The following TRPM3 variants were observed in gnomAD, a reference collection of about 807,000 sequenced individuals.
TRPM3 encodes the protein transient receptor potential cation channel subfamily M member 3, also known as long transient receptor potential channel 3.
In TRPM3, 77 loss-of-function variants were observed where a neutral mutation model predicts 181.2. The ratio of observed to expected loss-of-function variants is 0.42; its 90% CI spans 0.35 to 0.51. TRPM3 has a LOEUF of 0.51. Among genes scored for constraint, TRPM3 ranks in the 20% least tolerant of loss-of-function variants. The probability of loss-of-function intolerance (pLI) is 0.01; values close to 1 mark genes in which losing one functional copy is unlikely to be tolerated. For synonymous variants in TRPM3, 745 were observed against 796.4 expected (o/e 0.94, Z 1.09); for missense variants, 1,759 against 2,196.7 (o/e 0.80, Z 3.98).
intron 1 of TRPM3, among the ~76,000 whole-genome samples, chr9:71,139,484 C>A (rs995839594): frequency 1.3e-5 from 2 of 152,086 alleles, no homozygotes; most frequent in African/African-American, 2.4e-5. Context: ...GTAATTTTCA[C>A]AAAAACAGAG....
chr9:70,917,310 G>T, intron 1 of TRPM3: 2 of 1,300,752 alleles, frequency 1.5e-6, no homozygotes, highest in Non-Finnish European at 2.2e-6. Flanking sequence ...ATTATTAATG[G>T]AGTTTCATGA....
intron 1 of TRPM3, chr9:70,917,515 T>C (rs1055119067): frequency 2.5e-5 from 17 of 685,154 alleles, no homozygotes; most frequent in Non-Finnish European, 4.6e-5. Flanking sequence ...CCACGATAAC[T>C]GGGGCGGGCA....
intron 1 of TRPM3, among the ~76,000 whole-genome samples, chr9:71,252,335 G>C (rs890084908): frequency 6.6e-6 from 1 of 151,964 alleles, no homozygotes; most frequent in Non-Finnish European, 1.5e-5. Flanking sequence ...GTGGTTTTTC[G>C]TGGACTGTTA....
At chr9:71,044,757 C>G (rs555135837) in intron 1 of TRPM3, among the ~76,000 whole-genome samples, 1 of 152,056 alleles carries the variant, frequency 6.6e-6, no homozygotes, top group African/African-American at 2.4e-5. Flanking sequence ...CTGCAACCTC[C>G]GCCTCCCGGG....
intron 1 of TRPM3, among the ~76,000 whole-genome samples, chr9:71,307,351 G>A (rs541701360): frequency 2.0e-5 from 3 of 151,744 alleles, no homozygotes; most frequent in Admixed American, 2.0e-4. Flanking sequence ...TGAATTTTAA[G>A]TTGTTGATTT....
chr9:71,002,200 G>A (rs896577168), intron 1 of TRPM3, among the ~76,000 whole-genome samples: 5 of 151,946 alleles, frequency 3.3e-5, no homozygotes, highest in African/African-American at 4.8e-5. Context: ...CCATCCGTTC[G>A]CCTAGTTAAC....
chr9:70,593,197 C>T (rs1257770384), intron 21 of TRPM3, among the ~76,000 whole-genome samples: 3 of 152,154 alleles, frequency 2.0e-5, no homozygotes, highest in East Asian at 3.8e-4. Flanking sequence ...AATCTGACAT[C>T]CATTCATATT....
intron 1 of TRPM3, among the ~76,000 whole-genome samples, chr9:70,907,213 G>A (rs2096479326): frequency 6.6e-6 from 1 of 152,114 alleles, no homozygotes; most frequent in Non-Finnish European, 1.5e-5. Context: ...CATCCTCTGT[G>A]GACATGTGTA....
intron 1 of TRPM3, among the ~76,000 whole-genome samples, chr9:71,379,863 CAA>C (rs1243656640): frequency 6.6e-6 from 1 of 151,928 alleles, no homozygotes; most frequent in Non-Finnish European, 1.5e-5. Context: ...TAAAATGTGT[CAA>C]GAGAACCATA....
intron 1 of TRPM3, among the ~76,000 whole-genome samples, chr9:71,419,144 A>G (rs2093688148): frequency 6.6e-6 from 1 of 151,786 alleles, no homozygotes; most frequent in Admixed American, 6.6e-5. Flanking sequence ...TACTGTGTCT[A>G]CTTACTAGGG....
At chr9:71,434,121 T>C (rs963621515) in intron 1 of TRPM3, among the ~76,000 whole-genome samples, 28 of 152,164 alleles carry the variant, frequency 1.8e-4, no homozygotes, top group African/African-American at 6.3e-4. Context: ...ATCATTCCAT[T>C]GCACTCCAGC....
At chr9:70,822,087 G>C (rs760844305) in intron 6 of TRPM3, among the ~76,000 whole-genome samples, 2 of 152,142 alleles carry the variant, frequency 1.3e-5, no homozygotes, top group South Asian at 4.1e-4. Context: ...ATTTTATGTA[G>C]ATATAGAAGC....
intron 1 of TRPM3, among the ~76,000 whole-genome samples, chr9:71,313,379 C>T (rs946210900): frequency 8.5e-5 from 13 of 152,072 alleles, no homozygotes; most frequent in Non-Finnish European, 1.8e-4. Flanking sequence ...TCCTAAATTT[C>T]TAGATGACCT....
At chr9:70,949,522 C>T (rs2096973487) in intron 1 of TRPM3, among the ~76,000 whole-genome samples, 1 of 151,994 alleles carries the variant, frequency 6.6e-6, no homozygotes, top group African/African-American at 2.4e-5. Context: ...ACTTCTCCCC[C>T]ATGCAGGGGA....
At chr9:70,852,258 T>G (rs916460619) in intron 3 of TRPM3, among the ~76,000 whole-genome samples, 3 of 151,984 alleles carry the variant, frequency 2.0e-5, no homozygotes, top group African/African-American at 7.3e-5. Context: ...CGTGTTCTAC[T>G]TGTACCTTCT....
intron 6 of TRPM3, among the ~76,000 whole-genome samples, chr9:70,808,493 C>T (rs755307861): frequency 1.7e-4 from 26 of 152,288 alleles, no homozygotes; most frequent in African/African-American, 6.0e-4. Context: ...AAACCAGTTT[C>T]GCTAAAATTT....
At chr9:70,994,114 GTAAA>G (rs746686430) in intron 1 of TRPM3, among the ~76,000 whole-genome samples, 3 of 152,180 alleles carry the variant, frequency 2.0e-5, no homozygotes, top group African/African-American at 7.2e-5. Flanking sequence ...TATTTGGAAT[GTAAA>G]TAAATAGTCA....
intron 6 of TRPM3, among the ~76,000 whole-genome samples, chr9:70,816,498 G>A (rs1483874854): frequency 3.3e-5 from 5 of 152,104 alleles, no homozygotes; most frequent in Admixed American, 3.3e-4. Context: ...GAGGGCCAAG[G>A]CCCAGTTATA....
intron 1 of TRPM3, among the ~76,000 whole-genome samples, chr9:71,233,931 A>C (rs2081217303): frequency 6.6e-6 from 1 of 152,210 alleles, no homozygotes. Context: ...CCCTTCCTTA[A>C]TTATTATATT....
Sources: allele counts gnomAD v4.1 joint callset (sites outside exome capture counted in the v4.1 genomes callset), GRCh38; gene constraint gnomAD v4.1.1; transcripts MANE v1.5; gene names NCBI Gene and HGNC (gene_info 2026-07-23, HGNC 2026-07-21).